TMEM123: variants seen among roughly 807,000 people sequenced by gnomAD.
TMEM123 encodes the protein transmembrane protein 123.
Under a neutral mutation model 19.7 loss-of-function variants are expected in TMEM123, and 16 were observed. The ratio of observed to expected loss-of-function variants is 0.81; its 90% CI spans 0.55 to 1.23. TMEM123 has a LOEUF of 1.23. Among genes scored for constraint, TMEM123 ranks in the 50% most tolerant of loss-of-function variants. TMEM123 has a pLI of 0.00. For synonymous variants in TMEM123, 118 were observed against 99.4 expected, an observed-to-expected ratio of 1.19 and a Z score of -1.12; for missense variants, 313 against 257.8, an observed-to-expected ratio of 1.21 and a Z score of -1.47.
intron 2 of TMEM123, among the ~76,000 whole-genome samples, chr11:102,425,234 T>C (rs7110314): frequency 1.5e-4 from 23 of 152,222 alleles, no homozygotes; most frequent in African/African-American, 5.5e-4. Context: ...AAAATAACAC[T>C]TAACTCATAT....
In TMEM123 at chr11:102,401,621, C is replaced by T. The variant is rs774013319; in HGVS notation, c.520G>A (p.Val174Ile). ...FDTGSFVGGI[V>I]LTLGVLSILY... The stretch of plus-strand genomic sequence containing the variant: ...ATAGATAAAACTCCCAGCGTTAATA[C>T]AATACCACCAACAAAGCTCCCAGTA... The change falls in exon 4 of 5, where the codon GTA (valine) becomes ATA (isoleucine). Residue 174 changes from valine (V) to isoleucine (I), a missense_variant. Physicochemically the swap from Val to Ile is conservative, Grantham distance 29 (BLOSUM62 3). Transcript: ENST00000398136. 11 of 1,608,644 alleles carry T rather than the reference C, an allele frequency of 6.8e-6. No homozygotes were observed. Among genetic ancestry groups the T allele is most frequent in the East Asian group, 2.2e-5 (1 of 44,746 alleles).
At chr11:102,419,581 A>G (rs1952069720) in intron 2 of TMEM123, among the ~76,000 whole-genome samples, 1 of 152,202 alleles carries the variant, frequency 6.6e-6, no homozygotes, top group African/African-American at 2.4e-5. Flanking sequence ...CATTTTTTAA[A>G]CTACTTTTAA....
chr11:102,409,914 TAAGAGA>T (rs1412395045), intron 2 of TMEM123, among the ~76,000 whole-genome samples: 2 of 150,066 alleles, frequency 1.3e-5, no homozygotes, highest in Non-Finnish European at 3.0e-5. Context: ...AAAAAAAATC[TAAGAGA>T]AAACTGAGCT....
intron 2 of TMEM123, among the ~76,000 whole-genome samples, chr11:102,420,173 G>A (rs1433711763): frequency 1.3e-5 from 2 of 152,174 alleles, no homozygotes; most frequent in Admixed American, 1.3e-4. Flanking sequence ...TGCCCTGAGA[G>A]GTGACACTTA....
At chr11:102,431,073 G>A (rs779428064) in intron 2 of TMEM123, among the ~76,000 whole-genome samples, 21 of 152,086 alleles carry the variant, frequency 1.4e-4, no homozygotes, top group Non-Finnish European at 2.9e-4. Context: ...TAACCATAAT[G>A]AAATGTTTTG....
At chr11:102,429,022 G>A (rs569722182) in intron 2 of TMEM123, among the ~76,000 whole-genome samples, 2 of 152,238 alleles carry the variant, frequency 1.3e-5, no homozygotes, top group South Asian at 4.1e-4. Flanking sequence ...GGGTAGGCAC[G>A]AGATTCAAAC....
rs1472326223 is a variant in TMEM123 at position 102,397,431 on chromosome 11, A to G, written c.*1436T>C. 6.6e-6 allele frequency: 1 copy of G among 152,184 alleles called. No individual in the cohort carries two copies. Among genetic ancestry groups the G allele is most frequent in the Non-Finnish European group, 1.5e-5 (1 of 68,022 alleles). The allele number at this position is 152,184 out of a possible 1,614,324, so 9.4% of individuals were successfully genotyped here. A position where few individuals can be genotyped will look rare whatever the true frequency, so the allele number is the denominator to read the frequency against. ...CCATCTTAGTATTTACTGTGACTAC[A>G]TACCTCTTTTGTTAAAACTTGACCC... On this transcript the variant is annotated 3_prime_UTR_variant, in exon 5 of 5. Coordinates refer to ENST00000398136, the MANE Select transcript of TMEM123 (RefSeq NM_052932.3).
intron 2 of TMEM123, among the ~76,000 whole-genome samples, chr11:102,418,630 C>T (rs1383432756): frequency 6.6e-6 from 1 of 152,186 alleles, no homozygotes; most frequent in African/African-American, 2.4e-5. Context: ...TACAATAGAA[C>T]TACCATTTGA....
At chr11:102,428,316 T>A (rs568861223) in intron 2 of TMEM123, among the ~76,000 whole-genome samples, 2 of 152,140 alleles carry the variant, frequency 1.3e-5, no homozygotes, top group South Asian at 4.1e-4. Flanking sequence ...TATTTTATTT[T>A]TTTGAGATGG....
chr11:102,430,464 A>G (rs1179991562), intron 2 of TMEM123, among the ~76,000 whole-genome samples: 1 of 152,236 alleles, frequency 6.6e-6, no homozygotes, highest in East Asian at 1.9e-4. Flanking sequence ...GAAGGCTGGT[A>G]TCCCAGTTAT....
rs568035438 is a variant in TMEM123 at position 102,396,556 on chromosome 11, C to A, written c.*2311G>T. On this transcript the variant is annotated 3_prime_UTR_variant, in exon 5 of 5. Transcript: ENST00000398136. ...AATTGGCTTCTGCCTAGTACTTATA[C>A]ATCTGGATTGTTTGTTTTGATCTTC... 6.6e-6 allele frequency: 1 copy of A among 152,136 alleles called. No homozygotes were observed. Among genetic ancestry groups the A allele is most frequent in the Non-Finnish European group, 1.5e-5 (1 of 68,022 alleles). The allele number at this position is 152,136 out of a possible 1,614,324, so 9.4% of individuals were successfully genotyped here. A position where few individuals can be genotyped will look rare whatever the true frequency, so the allele number is the denominator to read the frequency against.
intron 2 of TMEM123, among the ~76,000 whole-genome samples, chr11:102,405,206 G>A (rs181951510): frequency 0.014 from 2,106 of 151,780 alleles, 56 homozygotes; most frequent in Non-Finnish European, 0.012. Flanking sequence ...CCACCACCAC[G>A]CCTGGCTAAT....
chr11:102,424,238 T>C (rs1411791739), intron 2 of TMEM123, among the ~76,000 whole-genome samples: 1 of 151,116 alleles, frequency 6.6e-6, no homozygotes, highest in Non-Finnish European at 1.5e-5. Flanking sequence ...TAAAGAAACC[T>C]CTGAGCATGT....
intron 2 of TMEM123, among the ~76,000 whole-genome samples, chr11:102,404,553 G>A (rs960617757): frequency 6.6e-6 from 1 of 151,908 alleles, no homozygotes; most frequent in African/African-American, 2.4e-5. Context: ...CAAAGTGCTA[G>A]TACTACAGGT....
intron 1 of TMEM123, chr11:102,449,071 G>T (rs1472903812): frequency 5.8e-6 from 3 of 518,230 alleles, no homozygotes; most frequent in Non-Finnish European, 1.1e-5. Context: ...GGTTTTTCAA[G>T]ATAAACATCT....
At chr11:102,407,065 G>A (rs189127893) in intron 2 of TMEM123, among the ~76,000 whole-genome samples, 2 of 152,174 alleles carry the variant, frequency 1.3e-5, no homozygotes, top group East Asian at 3.9e-4. Context: ...CATCCAGAGG[G>A]CACCTGTGCC....
intron 2 of TMEM123, among the ~76,000 whole-genome samples, chr11:102,420,906 G>A (rs1952080327): frequency 2.6e-5 from 4 of 152,156 alleles, no homozygotes. Context: ...AATTACCCAG[G>A]TGGGGTGGTG....
chr11:102,428,807 T>C (rs1361644543), intron 2 of TMEM123, among the ~76,000 whole-genome samples: 1 of 152,196 alleles, frequency 6.6e-6, no homozygotes, highest in Non-Finnish European at 1.5e-5. Flanking sequence ...GCTATAACTC[T>C]GACAAGAGCA....
chr11:102,444,338 A>C (rs1031722066), intron 2 of TMEM123, among the ~76,000 whole-genome samples: 3 of 152,220 alleles, frequency 2.0e-5, no homozygotes, highest in Admixed American at 6.5e-5. Context: ...ACAATGGCAC[A>C]GACACATCAT....
Sources: gnomAD v4.1 joint callset for allele counts (sites outside exome capture counted in the v4.1 genomes callset) on GRCh38, gnomAD v4.1.1 for gene constraint, MANE v1.5 for transcripts, NCBI Gene and HGNC (gene_info 2026-07-23, HGNC 2026-07-21) for gene names.